The following NPFFR2 variants were observed in gnomAD, a reference collection of about 807,000 sequenced individuals.
NPFFR2 encodes the protein neuropeptide FF receptor 2, also known as G-protein coupled receptor 74.
In NPFFR2, 15 loss-of-function variants were observed where a neutral mutation model predicts 13.1. The observed-to-expected ratio is 1.15, with a 90% CI of 0.77 to 1.76. NPFFR2 has a LOEUF of 1.76. Among genes scored for constraint, NPFFR2 ranks in the 40% most tolerant of loss-of-function variants. The pLI is 0.00. For synonymous variants in NPFFR2, 190 were observed against 175.7 expected, an observed-to-expected ratio of 1.08 and a Z score of -0.65; for missense variants, 572 against 503.5, an observed-to-expected ratio of 1.14 and a Z score of -1.30.
chr4:72,137,704 G>A (rs560194983), intron 2 of NPFFR2, among the ~76,000 whole-genome samples: 24 of 152,254 alleles, frequency 1.6e-4, no homozygotes, highest in African/African-American at 5.8e-4. Context: ...CCGTGGCAAA[G>A]TATGTAATAT....
At position 72,147,648 on chromosome 4, in the gene NPFFR2, G is replaced by T; in HGVS notation, c.1099G>T (p.Ala367Ser). ...AKPMEAYALKAKSHVLINTSN... is the reference protein window; with the variant it reads ...AKPMEAYALKSKSHVLINTSN... ...GCCTATGGAAGCTTATGCCCTAAAA[G>T]CTAAAAGCCATGTGCTCATAAACAC... The change falls in exon 4 of 4, where the codon GCT becomes TCT. Residue 367 changes from alanine to serine, a missense_variant. Transcript: ENST00000308744. 1.2e-6 allele frequency: 2 copies of T among 1,614,096 alleles called. No individual in the cohort carries two copies. The highest frequency in any genetic ancestry group is 1.7e-6 in the Non-Finnish European group (2 of 1,180,022).
At chr4:72,102,329 T>C (rs1430645710) in intron 1 of NPFFR2, among the ~76,000 whole-genome samples, 1 of 152,106 alleles carries the variant, frequency 6.6e-6, no homozygotes, top group Admixed American at 6.6e-5. Context: ...AAAAAATCTT[T>C]CAATAAATTA....
At chr4:72,065,367 TAAAG>T (rs1303413549) in intron 1 of NPFFR2, among the ~76,000 whole-genome samples, 1 of 152,076 alleles carries the variant, frequency 6.6e-6, no homozygotes, top group Non-Finnish European at 1.5e-5. Context: ...TCTTAATTCT[TAAAG>T]AAGAAAAACA....
intron 1 of NPFFR2, among the ~76,000 whole-genome samples, chr4:72,048,068 C>T (rs888734108): frequency 8.6e-5 from 13 of 151,916 alleles, no homozygotes; most frequent in Admixed American, 2.0e-4. Context: ...ATTACACACA[C>T]GTATATTACA....
At position 72,124,414 on chromosome 4, in the gene NPFFR2, A is replaced by G. The variant is rs146075903; in HGVS notation, c.-7-4171A>G. ...AAAACTACTGTAAATTTCATATGGA[A>G]CCAAAAAAGAGCCCATATAGCCAAG... On this transcript the variant is annotated intron_variant, in intron 1 of 3. Transcript: ENST00000308744. 4.5e-3 allele frequency among the ~76,000 whole-genome samples: 678 copies of G among 152,270 alleles called. 3 individuals are homozygous for G. Among genetic ancestry groups the G allele is most frequent in the African/African-American group, 0.016 (652 of 41,536 alleles).
chr4:72,135,027 G>T (rs1394521279), intron 2 of NPFFR2, among the ~76,000 whole-genome samples: 2 of 152,078 alleles, frequency 1.3e-5, no homozygotes, highest in Non-Finnish European at 2.9e-5. Flanking sequence ...TAATTAGTTA[G>T]CTGTATGAAG....
At chr4:72,130,346 A>G (rs1722198904) in intron 2 of NPFFR2, among the ~76,000 whole-genome samples, 4 of 152,184 alleles carry the variant, frequency 2.6e-5, no homozygotes, top group Admixed American at 2.6e-4. Flanking sequence ...TTAGGCCCTC[A>G]TGTGGTTAGC....
chr4:72,045,528 TATG>T (rs1719352018), intron 1 of NPFFR2, among the ~76,000 whole-genome samples: 2 of 152,212 alleles, frequency 1.3e-5, no homozygotes, highest in African/African-American at 4.8e-5. Flanking sequence ...CTCCTCAGCT[TATG>T]ATGTATAATA....
At chr4:72,098,396 A>G (rs1314584464) in intron 1 of NPFFR2, among the ~76,000 whole-genome samples, 1 of 152,208 alleles carries the variant, frequency 6.6e-6, no homozygotes, top group Non-Finnish European at 1.5e-5. Context: ...CATGGACTGC[A>G]TGTGGCCCAG....
At chr4:72,052,703 G>A (rs1487300438) in intron 1 of NPFFR2, among the ~76,000 whole-genome samples, 1 of 151,918 alleles carries the variant, frequency 6.6e-6, no homozygotes, top group Non-Finnish European at 1.5e-5. Flanking sequence ...TCCCTTTCCA[G>A]GTCTTTTCCC....
chr4:72,039,428 T>C (rs1719143292), intron 1 of NPFFR2: 8 of 977,654 alleles, frequency 8.2e-6, no homozygotes, highest in Non-Finnish European at 9.7e-6. Flanking sequence ...CCAATCTTAA[T>C]TGGGTTCTAT....
intron 1 of NPFFR2, among the ~76,000 whole-genome samples, chr4:72,055,656 G>A (rs1265465583): frequency 6.6e-5 from 10 of 151,976 alleles, no homozygotes; most frequent in Admixed American, 6.6e-4. Flanking sequence ...GCCAAGACAG[G>A]CCAAACCCTA....
intron 1 of NPFFR2, among the ~76,000 whole-genome samples, chr4:72,047,547 T>C (rs577848683): frequency 1.3e-5 from 2 of 152,206 alleles, no homozygotes; most frequent in African/African-American, 2.4e-5. Flanking sequence ...CTGGTTTAGC[T>C]CTCCCTGATC....
chr4:72,147,624 C>A lies in NPFFR2; in HGVS notation c.1075C>A (p.Pro359Thr). 1 of 1,614,138 alleles carries A rather than the reference C, an allele frequency of 6.2e-7. No individual in the cohort carries two copies. Among genetic ancestry groups the A allele is most frequent in the African/African-American group, 1.3e-5 (1 of 75,022 alleles). ...CCAGCTCTGCCAAAAAAGAGCAAAG[C>A]CTATGGAAGCTTATGCCCTAAAAGC... ...QLQLCQKRAK[P>T]MEAYALKAKS... The change falls in exon 4 of 4, where the codon CCT (proline) becomes ACT (threonine). Residue 359 changes from proline (P) to threonine (T), a missense_variant. Pro to Thr is a conservative substitution (Grantham distance 38). Coordinates refer to ENST00000308744, the MANE Select transcript of NPFFR2 (RefSeq NM_004885.3).
intron 1 of NPFFR2, 133 bp downstream of exon 1, chr4:72,032,333 A>G (rs192398362): frequency 9.9e-7 from 1 of 1,015,138 alleles, no homozygotes; most frequent in Non-Finnish European, 1.4e-6. Flanking sequence ...ATCCCTTCCT[A>G]ATTACACAGG....
chr4:72,093,081 C>G (rs1411660452), intron 1 of NPFFR2, among the ~76,000 whole-genome samples: 1 of 152,140 alleles, frequency 6.6e-6, no homozygotes, highest in East Asian at 1.9e-4. Flanking sequence ...ATCATTTCCT[C>G]ATTTATGAAG....
intron 1 of NPFFR2, among the ~76,000 whole-genome samples, chr4:72,058,412 T>C (rs1456509099): frequency 2.0e-5 from 3 of 151,064 alleles, no homozygotes; most frequent in African/African-American, 7.3e-5. Flanking sequence ...AAAAAAAGAC[T>C]TTTGAAGAAA....
chr4:72,125,084 G>GA (rs1276646335), intron 1 of NPFFR2, among the ~76,000 whole-genome samples: 3 of 152,162 alleles, frequency 2.0e-5, no homozygotes, highest in Admixed American at 2.0e-4. Flanking sequence ...AAATTTACCA[G>GA]AAAAAACAAC....
At chr4:72,051,542 G>A (rs1719581387) in intron 1 of NPFFR2, among the ~76,000 whole-genome samples, 1 of 150,688 alleles carries the variant, frequency 6.6e-6, no homozygotes, top group African/African-American at 2.4e-5. Context: ...AGAGAAAGCA[G>A]GGAAGATCCA....
Sources: gnomAD v4.1 joint callset for allele counts (sites outside exome capture counted in the v4.1 genomes callset) on GRCh38, gnomAD v4.1.1 for gene constraint, MANE v1.5 for transcripts, NCBI Gene and HGNC (gene_info 2026-07-23, HGNC 2026-07-21) for gene names.